Variants in TNFRSF11A observed in about 807,000 individuals in gnomAD.
TNFRSF11A encodes the protein TNF receptor superfamily member 11a.
TNFRSF11A carries 32 observed loss-of-function variants against 55.7 expected under a neutral mutation model. That is an observed-to-expected ratio of 0.57 (90% CI 0.43 to 0.77). The LOEUF (loss-of-function observed/expected upper bound fraction) is 0.77, where lower values mean the gene tolerates loss of function less well. TNFRSF11A is among the 30% of genes least tolerant of loss of function. TNFRSF11A has a pLI of 0.00. For synonymous variants in TNFRSF11A, 311 were observed against 331.0 expected, an observed-to-expected ratio of 0.94 and a Z score of 0.65; for missense variants, 753 against 809.8, an observed-to-expected ratio of 0.93 and a Z score of 0.85.
chr18:62,380,562 G>A lies in TNFRSF11A; in HGVS notation c.1568-4189G>A, dbSNP rs879159167. Among the ~76,000 whole-genome samples, 15 of 148,190 alleles carry A rather than the reference G, an allele frequency of 1.0e-4. 1 individual carries two copies. The highest frequency in any genetic ancestry group is 2.1e-4 in the East Asian group (1 of 4,790). On this transcript the variant is annotated intron_variant, in intron 9 of 9. Transcript: ENST00000586569. The stretch of plus-strand genomic sequence containing the variant: ...CGCCATTCTCCTGCCTCAGCCTCCC[G>A]AGTAGCTGGGACTACAGGCGCCTGC...
chr18:62,381,129 G>A (rs555125041), intron 9 of TNFRSF11A, among the ~76,000 whole-genome samples: 32 of 152,280 alleles, frequency 2.1e-4, no homozygotes, highest in African/African-American at 7.0e-4. Flanking sequence ...TCTTGGTTCA[G>A]TCCATGAAAC....
chr18:62,373,856 C>G (rs983443891), intron 9 of TNFRSF11A: 8 of 152,296 alleles, frequency 5.3e-5, no homozygotes, highest in African/African-American at 1.7e-4. Flanking sequence ...CCTCAGTCTC[C>G]GTCCCTGGTC....
chr18:62,368,281 T>C (rs1910248684), intron 8 of TNFRSF11A, among the ~76,000 whole-genome samples: 2 of 152,202 alleles, frequency 1.3e-5, no homozygotes, highest in Non-Finnish European at 2.9e-5. Flanking sequence ...TTTGCTCAAT[T>C]CTAGAATACA....
chr18:62,377,835 C>T (rs1049891550), intron 9 of TNFRSF11A, among the ~76,000 whole-genome samples: 67 of 152,250 alleles, frequency 4.4e-4, no homozygotes, highest in East Asian at 2.5e-3. Flanking sequence ...TTCCAGTCTG[C>T]GGCTTGTTTC....
rs2046326458 is a variant in TNFRSF11A at position 62,342,404 on chromosome 18, A to AAAAAAAAAAAAAAAAAC, written c.76-5748_76-5747insCAAAAAAAAAAAAAAAA. On this transcript the variant is annotated intron_variant, in intron 1 of 9. Transcript: ENST00000586569. Reference sequence around the variant, plus strand: ...GTGACAGAGTGAGATTCTGTCTCAAAAAAAAAAAAAAAAAAAAAAAATCCT... The same window carrying AAAAAAAAAAAAAAAAAC: ...GTGACAGAGTGAGATTCTGTCTCAAAAAAAAAAAAAAAAAAACAAAAAAAAAAAAAAAAAAAAATCCT... 1.9e-5 allele frequency among the ~76,000 whole-genome samples: 2 copies of AAAAAAAAAAAAAAAAAC among 104,998 alleles called. 1 individual carries two copies. The allele number at this position is 104,998 out of a possible 152,430, so 68.9% of individuals were successfully genotyped here.
At chr18:62,366,647 TAAAAG>T in intron 7 of TNFRSF11A, 56 bp from the exon 8 acceptor site, 3 of 1,544,092 alleles carry the variant, frequency 1.9e-6, no homozygotes, top group Non-Finnish European at 2.7e-6. Flanking sequence ...AACCTTTATT[TAAAAG>T]AAAAGAAGTG....
intron 1 of TNFRSF11A, among the ~76,000 whole-genome samples, chr18:62,329,882 T>G (rs1356889241): frequency 1.3e-5 from 2 of 152,236 alleles, no homozygotes; most frequent in Non-Finnish European, 2.9e-5. Context: ...CGCAGTGTGC[T>G]CTCACGCCAA....
chr18:62,366,838 G>A, intron 8 of TNFRSF11A, 78 bp downstream of exon 8: 2 of 1,401,620 alleles, frequency 1.4e-6, no homozygotes, highest in Non-Finnish European at 2.0e-6. Context: ...GTCACATATT[G>A]AGCACCCCCC....
At chr18:62,334,654 G>A (rs1316252241) in intron 1 of TNFRSF11A, among the ~76,000 whole-genome samples, 1 of 152,096 alleles carries the variant, frequency 6.6e-6, no homozygotes, top group East Asian at 1.9e-4. Flanking sequence ...AATAACCTGG[G>A]CTCCTCTTTT....
rs1911473271 is a variant in TNFRSF11A, at chr18:62,383,987, G to C, written c.1568-764G>C. ...CCCACGGTGATGGGGCCTCAGATGT[G>C]AGTCCAGAGAGGAGAGCAGACTGAG... On this transcript the variant is annotated intron_variant, in intron 9 of 9. Coordinates refer to ENST00000586569, the MANE Select transcript of TNFRSF11A (RefSeq NM_003839.4). This position sits in a 1 kb window ranked among gnomAD's most constrained non-coding sequence, Gnocchi z 4.2. Among the ~76,000 whole-genome samples, 1 of 152,144 alleles carries C rather than the reference G, an allele frequency of 6.6e-6. No individual in the cohort carries two copies. Among genetic ancestry groups the C allele is most frequent in the South Asian group, 2.1e-4 (1 of 4,800 alleles).
At chr18:62,359,137 G>A (rs1329386643) in intron 5 of TNFRSF11A, among the ~76,000 whole-genome samples, 1 of 152,134 alleles carries the variant, frequency 6.6e-6, no homozygotes, top group East Asian at 1.9e-4. Flanking sequence ...TGTAATCCCA[G>A]CTACTCAGGA....
rs1250364561 is a variant in TNFRSF11A at position 62,325,874 on chromosome 18, T to A, written c.75+447T>A. 1.3e-5 allele frequency among the ~76,000 whole-genome samples: 2 copies of A among 152,182 alleles called. No homozygotes were observed. The highest frequency in any genetic ancestry group is 2.9e-5 in the Non-Finnish European group (2 of 68,020). On this transcript the variant is annotated intron_variant, in intron 1 of 9. Coordinates refer to ENST00000586569, the MANE Select transcript of TNFRSF11A (RefSeq NM_003839.4). This position sits in a 1 kb window ranked among gnomAD's most constrained non-coding sequence, Gnocchi z 4.7. ...CCAAATTTCCACCCGGAAAGAGACA[T>A]GATTCCCTCCGTCCCTGAACTGCGG... is the stretch of plus-strand genomic sequence containing the variant.
intron 9 of TNFRSF11A, chr18:62,378,268 C>T (rs1275590546): frequency 6.6e-6 from 1 of 152,182 alleles, no homozygotes; most frequent in African/African-American, 2.4e-5. Flanking sequence ...TAATTCTAAG[C>T]CTTGATCTAC....
In TNFRSF11A at chr18:62,357,853, A is replaced by G. The variant is rs1222781457; in HGVS notation, c.428-395A>G. 1.1e-5 allele frequency: 3 copies of G among 279,988 alleles called. No homozygotes were observed. In the East Asian group the frequency reaches 2.5e-4, roughly 23 times the overall value. The allele number at this position is 279,988 out of a possible 1,614,324, so 17.3% of individuals were successfully genotyped here. A position where few individuals can be genotyped will look rare whatever the true frequency, so the allele number is the denominator to read the frequency against. On this transcript the variant is annotated intron_variant, in intron 4 of 9. Coordinates refer to ENST00000586569, the MANE Select transcript of TNFRSF11A (RefSeq NM_003839.4). ...AGCTGGCAGGTGCATGGGGGAAAAC[A>G]AGAGACAGATAGCAGGAGCAGTCAA...
chr18:62,369,326 C>G lies in TNFRSF11A; in HGVS notation c.1409C>G (p.Pro470Arg), dbSNP rs772080424. Reference sequence around the variant, plus strand: ...GGTTCCCCAAAACGTGGACCCTTGCCCCAGTGCGCCTATGGCATGGGCCTT... The same window carrying G: ...GGTTCCCCAAAACGTGGACCCTTGCGCCAGTGCGCCTATGGCATGGGCCTT... ...LVGSPKRGPL[P>R]QCAYGMGLPP... Residue 470 changes from proline (P) to arginine (R), a missense_variant, in exon 9 of 10, where the codon CCC becomes CGC. By Grantham distance (103) the Pro-to-Arg change is moderately radical (BLOSUM62 -2). Coordinates refer to ENST00000586569, the MANE Select transcript of TNFRSF11A (RefSeq NM_003839.4). 6.2e-7 allele frequency: 1 copy of G among 1,610,010 alleles called. No homozygotes were observed. The highest frequency in any genetic ancestry group is 2.2e-5 in the East Asian group (1 of 44,830).
intron 4 of TNFRSF11A, 147 bp downstream of exon 4, chr18:62,354,681 T>A (rs766042156): frequency 1.1e-4 from 134 of 1,220,522 alleles, no homozygotes; most frequent in Non-Finnish European, 1.4e-4. Context: ...GGGGGCTGAT[T>A]TTCCACGAGA....
intron 8 of TNFRSF11A, among the ~76,000 whole-genome samples, chr18:62,367,172 A>G (rs1600403215): frequency 2.6e-5 from 4 of 152,228 alleles, no homozygotes. Flanking sequence ...CTTACAGGGC[A>G]TTTCCAGGTT....
intron 1 of TNFRSF11A, among the ~76,000 whole-genome samples, chr18:62,343,399 G>C (rs2046340819): frequency 6.6e-6 from 1 of 152,084 alleles, no homozygotes; most frequent in Non-Finnish European, 1.5e-5. Context: ...CTACAATTGG[G>C]TTAACAGCAT....
At chr18:62,371,694 C>T (rs1247326977) in intron 9 of TNFRSF11A, among the ~76,000 whole-genome samples, 1 of 152,214 alleles carries the variant, frequency 6.6e-6, no homozygotes, top group African/African-American at 2.4e-5. Flanking sequence ...ATTTTGGAGG[C>T]TGTGCTATTC....
Sources: allele counts gnomAD v4.1 joint callset (sites outside exome capture counted in the v4.1 genomes callset), GRCh38; gene constraint gnomAD v4.1.1; non-coding constraint Gnocchi (gnomAD v3.1); transcripts MANE v1.5; gene names NCBI Gene and HGNC (gene_info 2026-07-23, HGNC 2026-07-21).